Variants in SLC35F4 observed in about 807,000 individuals in gnomAD.
SLC35F4 encodes chromosome 14 open reading frame 36.
A neutral mutation model predicts 44.2 loss-of-function variants in SLC35F4; 24 were observed. The observed-to-expected ratio is 0.54, with a 90% CI of 0.39 to 0.76. The LOEUF (loss-of-function observed/expected upper bound fraction) is 0.76, where lower values mean the gene tolerates loss of function less well. SLC35F4 is among the 30% of genes least tolerant of loss of function. The probability of loss-of-function intolerance (pLI) is 0.00; values close to 1 mark genes in which losing one functional copy is unlikely to be tolerated. For synonymous variants in SLC35F4, 238 were observed against 223.6 expected, an observed-to-expected ratio of 1.06 and a Z score of -0.57; for missense variants, 562 against 586.1, an observed-to-expected ratio of 0.96 and a Z score of 0.42.
chr14:57,797,424 G>C (rs1333704259), intron 1 of SLC35F4, among the ~76,000 whole-genome samples: 1 of 152,204 alleles, frequency 6.6e-6, no homozygotes, highest in Non-Finnish European at 1.5e-5. Context: ...GAAAGGAACT[G>C]TAGAATGTCC....
chr14:57,687,774 A>C (rs1426591140), intron 1 of SLC35F4, among the ~76,000 whole-genome samples: 2 of 152,218 alleles, frequency 1.3e-5, no homozygotes, highest in African/African-American at 4.8e-5. Context: ...ATGAGCTATT[A>C]GTGATAGATT....
intron 1 of SLC35F4, among the ~76,000 whole-genome samples, chr14:57,752,395 A>G (rs2140567700): frequency 6.6e-6 from 1 of 151,946 alleles, no homozygotes; most frequent in African/African-American, 2.4e-5. Flanking sequence ...AAGTAACTTG[A>G]GTCCATCGGT....
intron 1 of SLC35F4, among the ~76,000 whole-genome samples, chr14:57,610,191 C>T (rs184857221): frequency 2.6e-5 from 4 of 152,112 alleles, no homozygotes; most frequent in African/African-American, 9.7e-5. Flanking sequence ...AAGTTTCTGC[C>T]TCAGTTCACG....
chr14:57,674,767 T>A (rs777989406), intron 1 of SLC35F4, among the ~76,000 whole-genome samples: 1 of 152,102 alleles, frequency 6.6e-6, no homozygotes. Flanking sequence ...AGCCAGAGTA[T>A]CAGCATTTTC....
At chr14:57,721,885 G>A (rs1005087687) in intron 1 of SLC35F4, among the ~76,000 whole-genome samples, 3 of 152,130 alleles carry the variant, frequency 2.0e-5, no homozygotes, top group African/African-American at 7.2e-5. Flanking sequence ...AGGCAACAGT[G>A]ATGGCCCCCC....
chr14:57,696,833 C>A (rs2075395933), intron 1 of SLC35F4, among the ~76,000 whole-genome samples: 1 of 152,298 alleles, frequency 6.6e-6, no homozygotes, highest in Non-Finnish European at 1.5e-5. Flanking sequence ...AAACCAAACA[C>A]TGCATGTTCT....
At chr14:57,749,817 G>A (rs1407049533) in intron 1 of SLC35F4, among the ~76,000 whole-genome samples, 1 of 152,106 alleles carries the variant, frequency 6.6e-6, no homozygotes, top group Non-Finnish European at 1.5e-5. Context: ...AAACCTAAGA[G>A]GGGAGGAATT....
At chr14:57,703,877 T>C (rs995960175) in intron 1 of SLC35F4, among the ~76,000 whole-genome samples, 1 of 152,114 alleles carries the variant, frequency 6.6e-6, no homozygotes. Flanking sequence ...CGTAATTTTT[T>C]CCTAAAAAAC....
intron 1 of SLC35F4, among the ~76,000 whole-genome samples, chr14:57,747,636 A>G (rs2076791436): frequency 6.6e-6 from 1 of 152,180 alleles, no homozygotes; most frequent in Non-Finnish European, 1.5e-5. Flanking sequence ...ATTTCATTAC[A>G]TCACTTCAAC....
Position 57,759,372 on chromosome 14 carries a change from G to A in SLC35F4, c.103+106351C>T, listed in dbSNP as rs891909247. Among the ~76,000 whole-genome samples the A allele has an allele frequency of 4.6e-5, 7 of 151,988 alleles. No individual in the cohort carries two copies. The East Asian group carries it at 5.8e-4, about 13-fold the overall frequency. ...ATGTGAGTGGATTGCTTGAACCTAG[G>A]AGTGCAAGACCAGCCTGGACAACAT... is the stretch of plus-strand genomic sequence containing the variant. On this transcript the variant is annotated intron_variant, in intron 1 of 7. Transcript: ENST00000556826.
rs1273247651 is a variant in SLC35F4 at position 57,865,855 on chromosome 14, G to A, written c.-30C>T. On this transcript the variant is annotated 5_prime_UTR_variant, in exon 1 of 8. Coordinates refer to ENST00000556826, the MANE Select transcript of SLC35F4 (RefSeq NM_001306087.2). ...AGCGCGGGGCGACGGCCCCGAGTGCGGCGGGGCGGAGAGCGCAGCGCGGGG... is the reference window on the plus strand; with the variant it reads ...AGCGCGGGGCGACGGCCCCGAGTGCAGCGGGGCGGAGAGCGCAGCGCGGGG... The A allele has an allele frequency of 3.4e-6, 5 of 1,461,936 alleles. No homozygotes were observed. Among genetic ancestry groups the A allele is most frequent in the Admixed American group, 2.2e-5 (1 of 45,070 alleles). The allele number at this position is 1,461,936 out of a possible 1,614,324, so 90.6% of individuals were successfully genotyped here.
intron 1 of SLC35F4, among the ~76,000 whole-genome samples, chr14:57,787,232 C>T (rs774771996): frequency 2.0e-5 from 3 of 152,058 alleles, no homozygotes; most frequent in Non-Finnish European, 2.9e-5. Context: ...AAAAAGAAAA[C>T]ATGAACAAAG....
chr14:57,630,057 AT>A (rs1162108958), intron 1 of SLC35F4: 5 of 539,452 alleles, frequency 9.3e-6, no homozygotes, highest in African/African-American at 1.9e-5. Context: ...GTCCAAGAGG[AT>A]TTGCTTATAT....
intron 1 of SLC35F4, among the ~76,000 whole-genome samples, chr14:57,961,032 T>C (rs1890329969): frequency 6.6e-6 from 1 of 152,098 alleles, no homozygotes; most frequent in Non-Finnish European, 1.5e-5. Flanking sequence ...GTGCTGGCAA[T>C]GGACCCCCAA....
In SLC35F4 at chr14:57,857,000, G is replaced by C. The variant is rs1008686497; in HGVS notation, c.103+8723C>G. ...TAAAAATTGCCTTTTCCTTGGCCGG[G>C]CACGGTGGCTCACGCCTGTAATCCC... On this transcript the variant is annotated intron_variant, in intron 1 of 7. Coordinates refer to ENST00000556826, the MANE Select transcript of SLC35F4 (RefSeq NM_001306087.2). 2.6e-5 allele frequency among the ~76,000 whole-genome samples: 4 copies of C among 151,968 alleles called. 1 individual carries two copies. The highest frequency in any genetic ancestry group is 9.7e-5 in the African/African-American group (4 of 41,272).
chr14:57,671,333 C>T (rs1423327834), intron 1 of SLC35F4, among the ~76,000 whole-genome samples: 1 of 151,930 alleles, frequency 6.6e-6, no homozygotes, highest in South Asian at 2.1e-4. Context: ...CCAAAAGAGA[C>T]CTCTTCCTTT....
intron 1 of SLC35F4, among the ~76,000 whole-genome samples, chr14:57,688,092 G>A (rs2075119463): frequency 6.6e-6 from 1 of 152,114 alleles, no homozygotes; most frequent in African/African-American, 2.4e-5. Flanking sequence ...ATTAATTAGT[G>A]TGGAGTAAAG....
In SLC35F4 at chr14:57,753,699, C is replaced by T. The variant is rs145178185; in HGVS notation, c.103+112024G>A. On this transcript the variant is annotated intron_variant, in intron 1 of 7. Coordinates refer to ENST00000556826, the MANE Select transcript of SLC35F4 (RefSeq NM_001306087.2). ...CACCAAGAAGGGACTGTGAGTTCTT[C>T]AGTTCAGGGAGCTGCTGCCCTTCTT... 1.1e-3 allele frequency among the ~76,000 whole-genome samples: 175 copies of T among 152,272 alleles called. 1 individual carries two copies. Among genetic ancestry groups the T allele is most frequent in the African/African-American group, 3.9e-3 (163 of 41,554 alleles).
chr14:57,873,595 C>T (rs551765543), intron 1 of SLC35F4, among the ~76,000 whole-genome samples: 9 of 152,104 alleles, frequency 5.9e-5, no homozygotes, highest in African/African-American at 1.4e-4. Context: ...ATGTCTACTA[C>T]AATTACATAT....
Sources: gnomAD v4.1 joint callset for allele counts (sites outside exome capture counted in the v4.1 genomes callset) on GRCh38, gnomAD v4.1.1 for gene constraint, MANE v1.5 for transcripts, NCBI Gene and HGNC (gene_info 2026-07-23, HGNC 2026-07-21) for gene names.